Variants in CTNNA2 observed in about 807,000 individuals in gnomAD.
CTNNA2 encodes catenin alpha-2.
CTNNA2 carries 42 observed loss-of-function variants against 101.0 expected under a neutral mutation model. That is an observed-to-expected ratio of 0.42 (90% CI 0.32 to 0.54). CTNNA2 has a LOEUF of 0.54. Among genes scored for constraint, CTNNA2 ranks in the 20% least tolerant of loss-of-function variants. The pLI, the probability that CTNNA2 is intolerant of heterozygous loss-of-function variation, is 0.14. For synonymous variants in CTNNA2, 450 were observed against 456.4 expected (o/e 0.99, Z 0.18); for missense variants, 871 against 1,223.1 (o/e 0.71, Z 4.29).
chr2:80,235,765 A>G (rs1030776675), intron 7 of CTNNA2, among the ~76,000 whole-genome samples: 2 of 152,276 alleles, frequency 1.3e-5, no homozygotes, highest in Middle Eastern at 3.4e-3. Context: ...GTCGCACCAT[A>G]AATGCACATC....
intron 7 of CTNNA2, among the ~76,000 whole-genome samples, chr2:80,070,356 G>C (rs993779497): frequency 6.6e-6 from 1 of 152,138 alleles, no homozygotes; most frequent in African/African-American, 2.4e-5. Flanking sequence ...TGTGGCTGCT[G>C]TAACACATTA....
At chr2:80,328,328 T>C (rs1223968240) in intron 7 of CTNNA2, 1 of 470,984 alleles carries the variant, frequency 2.1e-6, no homozygotes, top group African/African-American at 2.0e-5. Flanking sequence ...ACCTTTCATG[T>C]GGTGACTTCA....
chr2:80,152,695 T>C (rs1703780233), intron 7 of CTNNA2, among the ~76,000 whole-genome samples: 1 of 144,794 alleles, frequency 6.9e-6, no homozygotes, highest in Non-Finnish European at 1.5e-5. Flanking sequence ...GCCTTTATTG[T>C]ACTTAAAAAA....
At chr2:80,136,906 A>G (rs1255556369) in intron 7 of CTNNA2, among the ~76,000 whole-genome samples, 1 of 152,154 alleles carries the variant, frequency 6.6e-6, no homozygotes, top group African/African-American at 2.4e-5. Flanking sequence ...TCTCTTTACA[A>G]TAGCAGCACA....
chr2:80,599,567 CCTTCT>C (rs1436762419), intron 15 of CTNNA2, among the ~76,000 whole-genome samples: 2 of 151,912 alleles, frequency 1.3e-5, no homozygotes, highest in African/African-American at 2.4e-5. Context: ...TTTCTATTTC[CCTTCT>C]CTTCTGTTCA....
chr2:80,504,336 A>G (rs1222045572), intron 9 of CTNNA2, among the ~76,000 whole-genome samples: 1 of 152,058 alleles, frequency 6.6e-6, no homozygotes, highest in Non-Finnish European at 1.5e-5. Flanking sequence ...TTATTAGGAG[A>G]GCATGACTTT....
At position 80,325,067 on chromosome 2, in the gene CTNNA2, T is replaced by C. The variant is rs146084478; in HGVS notation, c.1057-68144T>C. Among the ~76,000 whole-genome samples the C allele has an allele frequency of 2.4e-3, 360 of 152,340 alleles. 1 individual carries two copies. The highest frequency in any genetic ancestry group is 0.01 in the Middle Eastern group (3 of 294). On this transcript the variant is annotated intron_variant, in intron 7 of 18. Coordinates refer to ENST00000402739, the MANE Select transcript of CTNNA2 (RefSeq NM_001282597.3). ...AGCTTCATGAGAACAGGGGTTTCAA[T>C]GCTTCTGTCCCACCTAGAAGAATGC...
At chr2:79,693,700 T>C (rs56220796) in intron 2 of CTNNA2, among the ~76,000 whole-genome samples, 2,866 of 151,988 alleles carry the variant, frequency 0.019, 103 homozygotes, top group African/African-American at 0.065. Context: ...AGTCAGAGTA[T>C]AAAGGTCAGG....
intron 3 of CTNNA2, among the ~76,000 whole-genome samples, chr2:79,336,337 T>G (rs1676994200): frequency 6.6e-6 from 1 of 152,164 alleles, no homozygotes; most frequent in Non-Finnish European, 1.5e-5. Context: ...ACATCCCTGT[T>G]ACACCCAGCC....
intron 4 of CTNNA2, among the ~76,000 whole-genome samples, chr2:79,427,414 CATT>C (rs1678604491): frequency 6.6e-6 from 1 of 151,888 alleles, no homozygotes; most frequent in Non-Finnish European, 1.5e-5. Context: ...TAAAAAAACT[CATT>C]AATTTCTTTC....
chr2:79,871,020 G>A (rs1228161391), intron 5 of CTNNA2, among the ~76,000 whole-genome samples: 1 of 152,126 alleles, frequency 6.6e-6, no homozygotes, highest in Non-Finnish European at 1.5e-5. Flanking sequence ...TTAGTATTTT[G>A]TTCCCATCGA....
intron 3 of CTNNA2, among the ~76,000 whole-genome samples, chr2:79,801,074 A>G (rs1676117264): frequency 3.9e-5 from 6 of 152,220 alleles, no homozygotes; most frequent in Admixed American, 3.9e-4. Context: ...GTACTAATTA[A>G]AAGCTCTTTA....
chr2:79,310,113 G>A (rs900300325), intron 2 of CTNNA2, among the ~76,000 whole-genome samples: 5 of 151,880 alleles, frequency 3.3e-5, no homozygotes, highest in Non-Finnish European at 5.9e-5. Flanking sequence ...ATTCTTTTGA[G>A]TTTTCTGTAT....
At chr2:79,234,794 G>C (rs1674535954) in intron 2 of CTNNA2, among the ~76,000 whole-genome samples, 1 of 152,136 alleles carries the variant, frequency 6.6e-6, no homozygotes, top group Admixed American at 6.5e-5. Flanking sequence ...TAAGCTCTGA[G>C]ATTCTTTCTT....
At chr2:80,422,648 T>A (rs1680634501) in intron 9 of CTNNA2, among the ~76,000 whole-genome samples, 1 of 152,226 alleles carries the variant, frequency 6.6e-6, no homozygotes, top group Admixed American at 6.5e-5. Flanking sequence ...TAAAAAACTA[T>A]GAATAACTAT....
chr2:79,309,085 T>G (rs1317291563), intron 2 of CTNNA2, among the ~76,000 whole-genome samples: 1 of 152,144 alleles, frequency 6.6e-6, no homozygotes, highest in African/African-American at 2.4e-5. Flanking sequence ...CTTGGTCTAT[T>G]TCTCTCTCTG....
At chr2:79,345,380 C>G (rs1017360107) in intron 3 of CTNNA2, among the ~76,000 whole-genome samples, 5 of 152,078 alleles carry the variant, frequency 3.3e-5, no homozygotes, top group African/African-American at 9.7e-5. Context: ...CTCTCATAGG[C>G]TACATTGATG....
intron 9 of CTNNA2, among the ~76,000 whole-genome samples, chr2:80,425,716 T>TC (rs1410414375): frequency 6.6e-6 from 1 of 152,196 alleles, no homozygotes; most frequent in Non-Finnish European, 1.5e-5. Flanking sequence ...GGGTTTTTTT[T>TC]CCCTTGTATT....
intron 2 of CTNNA2, among the ~76,000 whole-genome samples, chr2:79,240,089 G>T (rs917498048): frequency 6.6e-6 from 1 of 151,716 alleles, no homozygotes; most frequent in Non-Finnish European, 1.5e-5. Flanking sequence ...TGTATTTTTA[G>T]TAGAGACGGG....
Sources: gnomAD v4.1 joint callset for allele counts (sites outside exome capture counted in the v4.1 genomes callset) on GRCh38, gnomAD v4.1.1 for gene constraint, MANE v1.5 for transcripts, NCBI Gene and HGNC (gene_info 2026-07-23, HGNC 2026-07-21) for gene names.